PDE10A: variants seen among roughly 807,000 people sequenced by gnomAD.
PDE10A encodes the protein phosphodiesterase 10A, also known as cAMP and cAMP-inhibited cGMP 3',5'-cyclic phosphodiesterase 10A.
Under a neutral mutation model 97.7 loss-of-function variants are expected in PDE10A, and 39 were observed. That is an observed-to-expected ratio of 0.40 (90% CI 0.31 to 0.52). The LOEUF (loss-of-function observed/expected upper bound fraction) is 0.52. Among genes scored for constraint, PDE10A ranks in the 20% least tolerant of loss-of-function variants. PDE10A has a pLI of 0.56. For missense variants in PDE10A, 731 were observed against 1,047.8 expected (o/e 0.70, Z 4.17); for synonymous variants, 371 against 376.8 (o/e 0.98, Z 0.18).
At position 165,331,742 on chromosome 6, in the gene PDE10A, A is replaced by AT. The variant is rs1170920602; in HGVS notation, c.*1282dup. 6.6e-6 allele frequency: 1 copy of AT among 151,626 alleles called. No individual in the cohort carries two copies. The highest frequency in any genetic ancestry group is 1.5e-5 in the Non-Finnish European group (1 of 67,862). The allele number at this position is 151,626 out of a possible 1,614,324, so 9.4% of individuals were successfully genotyped here. The stretch of plus-strand genomic sequence containing the variant: ...AAGGGGTGCAGAGTATTACTTTCGT[A>AT]TTTTTTAAAACACTTACATTGTATA... On this transcript the variant is annotated 3_prime_UTR_variant, in exon 22 of 22. Transcript: ENST00000539869.
At chr6:165,759,455 G>A (rs1029351431) in intron 1 of PDE10A, among the ~76,000 whole-genome samples, 2 of 152,118 alleles carry the variant, frequency 1.3e-5, no homozygotes, top group African/African-American at 4.8e-5. Context: ...CTTCCATCAG[G>A]GTGGGCCGCC....
intron 1 of PDE10A, among the ~76,000 whole-genome samples, chr6:165,852,714 A>G (rs1263989310): frequency 6.6e-6 from 1 of 152,170 alleles, no homozygotes; most frequent in Non-Finnish European, 1.5e-5. Flanking sequence ...TCACTGTACA[A>G]TGAACCCTGC....
chr6:165,812,231 TCTTA>T (rs71685564), intron 1 of PDE10A, among the ~76,000 whole-genome samples: 14,084 of 152,232 alleles, frequency 0.093, 1,099 homozygotes, highest in East Asian at 0.4. Context: ...CCTGCCATCT[TCTTA>T]CTGTCTATCC....
chr6:165,612,000 C>T (rs1787514523), intron 1 of PDE10A, among the ~76,000 whole-genome samples: 1 of 152,218 alleles, frequency 6.6e-6, no homozygotes, highest in African/African-American at 2.4e-5. Flanking sequence ...TGTGCTGAAA[C>T]ACATATGTTA....
chr6:165,564,635 T>C (rs550345684), intron 1 of PDE10A, among the ~76,000 whole-genome samples: 3 of 152,328 alleles, frequency 2.0e-5, no homozygotes, highest in Non-Finnish European at 4.4e-5. Flanking sequence ...TAGCACATAT[T>C]ATACTTCTGT....
intron 1 of PDE10A, among the ~76,000 whole-genome samples, chr6:165,810,668 T>G (rs1211605977): frequency 1.3e-5 from 2 of 152,076 alleles, no homozygotes; most frequent in African/African-American, 2.4e-5. Context: ...CCTACAAGCC[T>G]CCTCTTCCCC....
At position 165,819,256 on chromosome 6, in the gene PDE10A, C is replaced by A. The variant is rs1250438869; in HGVS notation, c.-615+168273G>T. Among the ~76,000 whole-genome samples, 1 of 152,216 alleles carries A rather than the reference C, an allele frequency of 6.6e-6. No homozygotes were observed. Among genetic ancestry groups the A allele is most frequent in the African/African-American group, 2.4e-5 (1 of 41,450 alleles). On this transcript the variant is annotated intron_variant, in intron 1 of 19. Transcript: ENST00000366882. This position sits in a 1 kb window ranked among gnomAD's most constrained non-coding sequence, Gnocchi z 4.2. ...GCACACGTTGGGATGATTTTTGACT[C>A]CTGCCCTCTCCGTCCACACGTCAGC...
At chr6:165,540,612 G>A (rs1783374322) in intron 2 of PDE10A, among the ~76,000 whole-genome samples, 1 of 152,102 alleles carries the variant, frequency 6.6e-6, no homozygotes, top group Non-Finnish European at 1.5e-5. Flanking sequence ...CGTGGAAGGA[G>A]AATAAGGCAT....
At chr6:165,476,868 C>T (rs1268050556) in intron 3 of PDE10A, among the ~76,000 whole-genome samples, 2 of 152,148 alleles carry the variant, frequency 1.3e-5, no homozygotes, top group African/African-American at 4.8e-5. Flanking sequence ...TCTATACCCA[C>T]AAATTCTAGA....
At chr6:165,865,149 C>T (rs1229328235) in intron 1 of PDE10A, among the ~76,000 whole-genome samples, 1 of 152,164 alleles carries the variant, frequency 6.6e-6, no homozygotes, top group African/African-American at 2.4e-5. Flanking sequence ...CACTAACAAC[C>T]ACAGCCTTAG....
At position 165,943,246 on chromosome 6, in the gene PDE10A, G is replaced by A. The variant is rs1375158629; in HGVS notation, c.-615+44283C>T. 9.1e-3 allele frequency among the ~76,000 whole-genome samples: 476 copies of A among 52,030 alleles called. 22 individuals are homozygous for A. Among genetic ancestry groups the A allele is most frequent in the Middle Eastern group, 0.035 (3 of 86 alleles). 34.1% of individuals were successfully genotyped at this position (52,030 alleles called of 152,430 possible). On this transcript the variant is annotated intron_variant, in intron 1 of 19. Coordinates refer to the PDE10A transcript ENST00000366882. ...AAGAAAGAAAGAAAGAAGGAAGGAA[G>A]GAAGGAAGGAAGGAAGGAAGGAAGG...
chr6:165,521,072 G>C (rs965876478), intron 2 of PDE10A, among the ~76,000 whole-genome samples: 7 of 152,062 alleles, frequency 4.6e-5, no homozygotes, highest in African/African-American at 1.4e-4. Flanking sequence ...TGGTGTCTGT[G>C]TGTCAAATTT....
chr6:165,736,288 A>G (rs1420177919), intron 1 of PDE10A, among the ~76,000 whole-genome samples: 2 of 152,222 alleles, frequency 1.3e-5, no homozygotes, highest in East Asian at 1.9e-4. Flanking sequence ...CATTTGAACA[A>G]CCATCCACAT....
At chr6:165,623,591 A>G (rs562003754) in intron 1 of PDE10A, among the ~76,000 whole-genome samples, 11 of 152,144 alleles carry the variant, frequency 7.2e-5, no homozygotes, top group Non-Finnish European at 1.5e-4. Flanking sequence ...TATAATACAA[A>G]ATTATTCCTA....
rs187436138 is a variant in PDE10A, at chr6:165,875,542, C to T, written c.-615+111987G>A. ...TAAATGCCTACTGATTAACACAAGA[C>T]AAAACCATTGATTTTATAAGTTTTT... is the stretch of plus-strand genomic sequence containing the variant. On this transcript the variant is annotated intron_variant, in intron 1 of 19. Transcript: ENST00000366882. 4.6e-5 allele frequency among the ~76,000 whole-genome samples: 7 copies of T among 152,258 alleles called. No homozygotes were observed. In the South Asian group the frequency reaches 1.5e-3, roughly 32 times the overall value.
chr6:165,468,017 T>C (rs1778760509), intron 3 of PDE10A, among the ~76,000 whole-genome samples: 1 of 152,176 alleles, frequency 6.6e-6, no homozygotes, highest in Non-Finnish European at 1.5e-5. Context: ...GCAAAAAGAT[T>C]ACAACTTGCC....
At chr6:165,396,666 T>C (rs969544139) in intron 13 of PDE10A, among the ~76,000 whole-genome samples, 4 of 152,210 alleles carry the variant, frequency 2.6e-5, no homozygotes, top group African/African-American at 9.6e-5. Flanking sequence ...AAAAATGGTA[T>C]CTCTGCTTTA....
rs117404157 is a variant in PDE10A, at chr6:165,406,645, A to T, written c.2076+6856T>A. Among the ~76,000 whole-genome samples, 795 of 152,210 alleles carry T rather than the reference A, an allele frequency of 5.2e-3. 33 individuals are homozygous for T. The East Asian group carries it at 0.094, about 18-fold the overall frequency. On this transcript the variant is annotated intron_variant, in intron 13 of 21. Coordinates refer to ENST00000539869, the MANE Select transcript of PDE10A (RefSeq NM_001385079.1). Reference sequence around the variant, plus strand: ...TTCTAAGTGTCAACTTGACTGGGTTAGAGGATGCTCGGATAGCAGGTAGAG... The same window carrying T: ...TTCTAAGTGTCAACTTGACTGGGTTTGAGGATGCTCGGATAGCAGGTAGAG...
intron 2 of PDE10A, among the ~76,000 whole-genome samples, chr6:165,524,571 T>A (rs1204729686): frequency 6.6e-6 from 1 of 152,118 alleles, no homozygotes; most frequent in African/African-American, 2.4e-5. Context: ...CCTAAGTTCA[T>A]TGAACAAAGT....
Sources: allele counts gnomAD v4.1 joint callset (sites outside exome capture counted in the v4.1 genomes callset), GRCh38; gene constraint gnomAD v4.1.1; non-coding constraint Gnocchi (gnomAD v3.1); transcripts MANE v1.5; gene names NCBI Gene and HGNC (gene_info 2026-07-23, HGNC 2026-07-21).